The following COL4A5 variants were observed in gnomAD, a reference collection of about 807,000 sequenced individuals.
COL4A5 encodes the protein collagen type IV alpha 5 chain, also known as collagen alpha-5(IV) chain.
In COL4A5, 26 loss-of-function variants were observed where a neutral mutation model predicts 130.2. That is an observed-to-expected ratio of 0.20 (90% CI 0.15 to 0.28). The LOEUF is 0.28. Among genes scored for constraint, COL4A5 ranks in the 10% least tolerant of loss-of-function variants. The pLI is 1.00. For missense variants in COL4A5, 1,131 were observed against 1,344.3 expected (o/e 0.84, Z 2.48); for synonymous variants, 496 against 439.6 (o/e 1.13, Z -1.60).
intron 1 of COL4A5, among the ~76,000 whole-genome samples, chrX:108,477,779 G>GCA (rs1256944106): frequency 1.0e-5 from 1 of 99,912 alleles, no homozygotes; most frequent in Non-Finnish European, 2.0e-5. Flanking sequence ...TCGCGCCACT[G>GCA]CACTCCAGCC....
At chrX:108,627,631 T>C (rs192173703) in intron 36 of COL4A5, 293 of 618,346 alleles carry the variant, frequency 4.7e-4, no homozygotes, top group Non-Finnish European at 5.5e-4. Flanking sequence ...TTTTTTGGCT[T>C]TTTAAAACAC....
At chrX:108,682,235 C>A (rs980255091) in intron 47 of COL4A5, among the ~76,000 whole-genome samples, 1 of 111,824 alleles carries the variant, frequency 8.9e-6, no homozygotes, top group African/African-American at 3.3e-5. Context: ...CATCAATTTT[C>A]ATGGCTGCAT....
At chrX:108,531,467 G>A (rs2065385402) in intron 1 of COL4A5, among the ~76,000 whole-genome samples, 1 of 109,654 alleles carries the variant, frequency 9.1e-6, no homozygotes, top group South Asian at 3.9e-4. Context: ...TGCTATGAGA[G>A]AAGTTTATAG....
rs762104780 is a variant in COL4A5, at chrX:108,449,406, G to A, written c.81+9200G>A. 2.7e-5 allele frequency among the ~76,000 whole-genome samples: 3 copies of A among 111,995 alleles called. No individual in the cohort carries two copies. The South Asian group carries it at 1.1e-3, about 42-fold the overall frequency. On this transcript the variant is annotated intron_variant, in intron 1 of 52. Coordinates refer to ENST00000328300, the MANE Select transcript of COL4A5 (RefSeq NM_033380.3). Reference sequence around the variant, plus strand: ...GTTTTGTATAGTTCTACAAATGAAAGTTGTTGACTGTTCATAGGCATTTTA... The same window carrying A: ...GTTTTGTATAGTTCTACAAATGAAAATTGTTGACTGTTCATAGGCATTTTA...
intron 36 of COL4A5, among the ~76,000 whole-genome samples, chrX:108,641,776 C>T (rs2067472317): frequency 8.9e-6 from 1 of 111,845 alleles, no homozygotes; most frequent in African/African-American, 3.3e-5. Flanking sequence ...TCCTGCCTGG[C>T]ACCACAGGGA....
intron 44 of COL4A5, among the ~76,000 whole-genome samples, chrX:108,678,436 C>T (rs1382638380): frequency 1.8e-5 from 2 of 111,689 alleles, no homozygotes; most frequent in Non-Finnish European, 3.8e-5. Flanking sequence ...TGCATATTTC[C>T]AGAAACAATT....
chrX:108,629,053 A>G (rs181609237), intron 36 of COL4A5, among the ~76,000 whole-genome samples: 2 of 112,129 alleles, frequency 1.8e-5, no homozygotes, highest in East Asian at 5.6e-4. Flanking sequence ...TCTCTCTGAT[A>G]AGATAGAGCA....
rs2065510186 is a variant in COL4A5 at position 108,539,822 on chromosome X, G to A, written c.141+17G>A. On this transcript the variant is annotated intron_variant, in intron 2 of 52. Transcript: ENST00000328300. The stretch of plus-strand genomic sequence containing the variant: ...GGGGAAAAGGTGAGGTCTTAGATTG[G>A]CATTTGAAAATTTAGTAAAGCCAGT... The A allele has an allele frequency of 1.0e-5, 12 of 1,180,661 alleles. No individual in the cohort carries two copies. Among genetic ancestry groups the A allele is most frequent in the East Asian group, 3.0e-5 (1 of 33,672 alleles).
intron 48 of COL4A5, among the ~76,000 whole-genome samples, chrX:108,687,148 C>G (rs764252307): frequency 8.9e-6 from 1 of 112,215 alleles, no homozygotes; most frequent in Non-Finnish European, 1.9e-5. Context: ...TTCCCCCAGA[C>G]GGATTCAAAG....
At chrX:108,648,593 T>A (rs1433195121) in intron 36 of COL4A5, among the ~76,000 whole-genome samples, 2 of 111,546 alleles carry the variant, frequency 1.8e-5, no homozygotes, top group African/African-American at 3.3e-5. Context: ...CATAGGTAAG[T>A]CAACAAATGT....
chrX:108,662,982 A>T (rs2067994755), intron 37 of COL4A5, among the ~76,000 whole-genome samples: 1 of 112,351 alleles, frequency 8.9e-6, no homozygotes, highest in Admixed American at 9.4e-5. Flanking sequence ...TTTATCACCT[A>T]GTGATATCAT....
chrX:108,518,375 G>A (rs1317442947), intron 1 of COL4A5, among the ~76,000 whole-genome samples: 1 of 111,317 alleles, frequency 9.0e-6, no homozygotes, highest in Non-Finnish European at 1.9e-5. Flanking sequence ...GAACTTTTCT[G>A]TGGATTTTTA....
chrX:108,610,346 C>A lies in COL4A5; in HGVS notation c.2395+3454C>A, dbSNP rs140401128. 3.8e-3 allele frequency among the ~76,000 whole-genome samples: 421 copies of A among 111,484 alleles called. 1 individual carries two copies. The highest frequency in any genetic ancestry group is 0.013 in the African/African-American group (404 of 30,766). On this transcript the variant is annotated intron_variant, in intron 29 of 52. Transcript: ENST00000328300. ...TATTAAAGCAGTAAGACAGCCCAAT[C>A]CAATTTTAACCAGGCTAGATTGTAT...
At chrX:108,491,914 C>T (rs1226962643) in intron 1 of COL4A5, among the ~76,000 whole-genome samples, 1 of 111,718 alleles carries the variant, frequency 9.0e-6, no homozygotes, top group Non-Finnish European at 1.9e-5. Flanking sequence ...AAAACATTTA[C>T]AGGCAAATGT....
chrX:108,678,175 T>C (rs745671875), intron 44 of COL4A5, among the ~76,000 whole-genome samples: 11 of 111,738 alleles, frequency 9.8e-5, no homozygotes, highest in African/African-American at 3.2e-4. Context: ...AGAGTCACAT[T>C]CCTCTTTATG....
intron 1 of COL4A5, among the ~76,000 whole-genome samples, chrX:108,538,818 T>C (rs2065492458): frequency 8.9e-6 from 1 of 111,839 alleles, no homozygotes; most frequent in Admixed American, 9.5e-5. Context: ...TAAAGGATAG[T>C]ACTGAATGGC....
chrX:108,522,265 A>G (rs927516093), intron 1 of COL4A5, among the ~76,000 whole-genome samples: 1 of 109,579 alleles, frequency 9.1e-6, no homozygotes, highest in Non-Finnish European at 1.9e-5. Context: ...TAATGATGCT[A>G]TGAACATTCA....
At chrX:108,545,441 G>T (rs1161264829) in intron 2 of COL4A5, among the ~76,000 whole-genome samples, 1 of 111,762 alleles carries the variant, frequency 8.9e-6, no homozygotes, top group East Asian at 2.8e-4. Context: ...TTAATCCTGA[G>T]TTCTAGTTTG....
At chrX:108,519,645 A>G (rs142629734) in intron 1 of COL4A5, among the ~76,000 whole-genome samples, 1 of 110,921 alleles carries the variant, frequency 9.0e-6, no homozygotes, top group East Asian at 2.8e-4. Context: ...TGCTTATTGT[A>G]TTGTCAGGTA....
Sources: allele counts gnomAD v4.1 joint callset (sites outside exome capture counted in the v4.1 genomes callset), GRCh38; gene constraint gnomAD v4.1.1; transcripts MANE v1.5; gene names NCBI Gene and HGNC (gene_info 2026-07-23, HGNC 2026-07-21).